The following CCDC85A variants were observed in gnomAD, a reference collection of about 807,000 sequenced individuals.
The protein encoded by CCDC85A is coiled-coil domain-containing protein 85A.
CCDC85A carries 38 observed loss-of-function variants against 50.2 expected under a neutral mutation model. The ratio of observed to expected loss-of-function variants is 0.76; its 90% CI spans 0.58 to 0.99. The LOEUF is 0.99. CCDC85A is among the 50% of genes least tolerant of loss of function. The pLI is 0.00. For synonymous variants in CCDC85A, 366 were observed against 301.4 expected (o/e 1.21, Z -2.22); for missense variants, 820 against 742.0 (o/e 1.11, Z -1.22).
In CCDC85A at chr2:56,192,533, C is replaced by G; in HGVS notation, c.333C>G (p.Phe111Leu). ...AGGAACTGAGGGACCTCTGCTGTTT[C>G]CTGGATGATGACCGGCAGAAAGGCA... is the stretch of plus-strand genomic sequence containing the variant. The part of the protein sequence containing the change: ...DNQELRDLCC[F>L]LDDDRQKGKR... The change falls in exon 2 of 6, where the codon TTC becomes TTG. Residue 111 changes from phenylalanine (F) to leucine (L), a missense_variant. Coordinates refer to ENST00000407595, the MANE Select transcript of CCDC85A (RefSeq NM_001080433.2). The surrounding 1 kb of genome is among the most constrained non-coding windows in gnomAD (Gnocchi z 4.7). 2 of 1,613,894 alleles carry G rather than the reference C, an allele frequency of 1.2e-6. No individual in the cohort carries two copies. The highest frequency in any genetic ancestry group is 1.7e-6 in the Non-Finnish European group (2 of 1,179,886).
chr2:56,310,393 A>G (rs1028585920), intron 2 of CCDC85A, among the ~76,000 whole-genome samples: 2 of 152,236 alleles, frequency 1.3e-5, no homozygotes, highest in South Asian at 2.1e-4. Context: ...AGTCCTGTCA[A>G]TTGCAGCTAC....
chr2:56,245,416 C>T (rs550989578), intron 2 of CCDC85A, among the ~76,000 whole-genome samples: 134 of 152,356 alleles, frequency 8.8e-4, no homozygotes, highest in African/African-American at 3.2e-3. Context: ...ATGGCCTCTG[C>T]CAGGGGATGG....
rs1239492084 is a variant in CCDC85A, at chr2:56,372,463, C to A, written c.1437C>A (p.Cys479Ter). ...WWQGCRGIGR[C>*]LPTLPGSFRL... ...AAGGGTGCCGAGGAATAGGACGATG[C>A]CTGCCTACTCTCCCGGTGAGTGAAG... The change falls in exon 4 of 6, where the codon TGC (cysteine) becomes TGA (stop). Residue 479 changes from cysteine (C) to a stop codon, truncating the protein, a stop_gained. Transcript: ENST00000407595. LOFTEE classifies it high-confidence loss of function. 6.2e-7 allele frequency: 1 copy of A among 1,606,494 alleles called. No individual in the cohort carries two copies. Among genetic ancestry groups the A allele is most frequent in the East Asian group, 2.2e-5 (1 of 44,446 alleles).
intron 2 of CCDC85A, among the ~76,000 whole-genome samples, chr2:56,297,018 A>G (rs1409255769): frequency 6.6e-6 from 1 of 152,170 alleles, no homozygotes; most frequent in Non-Finnish European, 1.5e-5. Flanking sequence ...TTTATTGTAT[A>G]TCGGGGTTAG....
intron 3 of CCDC85A, among the ~76,000 whole-genome samples, chr2:56,369,380 T>A (rs555965890): frequency 2.0e-4 from 30 of 152,264 alleles, no homozygotes; most frequent in African/African-American, 6.7e-4. Flanking sequence ...CAGATGTAGT[T>A]GTTCAAAACT....
chr2:56,291,253 A>G (rs1006423887), intron 2 of CCDC85A, among the ~76,000 whole-genome samples: 6 of 152,186 alleles, frequency 3.9e-5, no homozygotes, highest in African/African-American at 1.2e-4. Context: ...ATCTAACCAT[A>G]TTGTGGGTTC....
chr2:56,241,771 A>G (rs1397427274), intron 2 of CCDC85A, among the ~76,000 whole-genome samples: 1 of 152,208 alleles, frequency 6.6e-6, no homozygotes, highest in East Asian at 1.9e-4. Flanking sequence ...GCTAGTGTGA[A>G]TAGTACTGCA....
At chr2:56,228,158 C>A (rs1668619318) in intron 2 of CCDC85A, among the ~76,000 whole-genome samples, 1 of 152,172 alleles carries the variant, frequency 6.6e-6, no homozygotes, top group African/African-American at 2.4e-5. Flanking sequence ...ATTTTCTGGC[C>A]ATGTCACCTA....
intron 2 of CCDC85A, among the ~76,000 whole-genome samples, chr2:56,275,679 T>C (rs1042998888): frequency 2.0e-5 from 3 of 152,238 alleles, no homozygotes; most frequent in Non-Finnish European, 4.4e-5. Context: ...AATCCGGCTT[T>C]AGAGTGCTGA....
chr2:56,217,704 A>G (rs1668138549), intron 2 of CCDC85A, among the ~76,000 whole-genome samples: 1 of 151,898 alleles, frequency 6.6e-6, no homozygotes. Context: ...ATGCAATAAA[A>G]GCAAAGTGCC....
intron 2 of CCDC85A, among the ~76,000 whole-genome samples, chr2:56,322,410 T>C (rs1343672372): frequency 6.6e-6 from 1 of 152,166 alleles, no homozygotes; most frequent in Admixed American, 6.6e-5. Flanking sequence ...AAAGGGCTAG[T>C]ATCCAGAATC....
intron 2 of CCDC85A, among the ~76,000 whole-genome samples, chr2:56,298,050 CAGGCATCAGAACCATCTTGCAT>C (rs755155609): frequency 5.9e-5 from 9 of 152,174 alleles, no homozygotes; most frequent in Non-Finnish European, 8.8e-5. Flanking sequence ...GGTCATGCCC[CAGGCATCAGAACCATCTTGCAT>C]AGCCAGTGAA....
At chr2:56,350,865 A>G (rs1674892358) in intron 3 of CCDC85A, among the ~76,000 whole-genome samples, 1 of 140,926 alleles carries the variant, frequency 7.1e-6, no homozygotes, top group Admixed American at 7.3e-5. Context: ...TTTTATTATT[A>G]TTATACTTTA....
chr2:56,192,628 T>C lies in CCDC85A; in HGVS notation c.428T>C (p.Leu143Ser), dbSNP rs765729363. The change falls in exon 2 of 6, where the codon TTA becomes TCA. Residue 143 changes from leucine to serine, a missense_variant. Leu to Ser is a moderately radical substitution (Grantham distance 145, BLOSUM62 -2). Transcript: ENST00000407595. This position sits in a 1 kb window ranked among gnomAD's most constrained non-coding sequence, Gnocchi z 4.7. ...TAGVMHKEVA[L>S]YLQKLKDLEV... ...GGGGTGATGCACAAGGAAGTGGCCT[T>C]ATACCTGCAGAAGCTGAAAGACCTG... is the stretch of plus-strand genomic sequence containing the variant. 1 of 1,613,690 alleles carries C rather than the reference T, an allele frequency of 6.2e-7. No homozygotes were observed. The highest frequency in any genetic ancestry group is 1.3e-5 in the African/African-American group (1 of 74,852).
At chr2:56,311,635 C>A (rs1389718462) in intron 2 of CCDC85A, among the ~76,000 whole-genome samples, 1 of 152,042 alleles carries the variant, frequency 6.6e-6, no homozygotes, top group East Asian at 1.9e-4. Flanking sequence ...GAGAAAGTAA[C>A]TAACATTTGG....
chr2:56,325,300 T>G (rs182802957), intron 2 of CCDC85A, among the ~76,000 whole-genome samples: 2 of 152,190 alleles, frequency 1.3e-5, no homozygotes, highest in East Asian at 3.9e-4. Context: ...TTGAAGATAA[T>G]AGTTACTTTA....
chr2:56,372,925 C>G (rs929861227), intron 4 of CCDC85A, among the ~76,000 whole-genome samples: 9 of 152,140 alleles, frequency 5.9e-5, no homozygotes, highest in African/African-American at 1.9e-4. Context: ...TAAGATTTTT[C>G]TCTTTTTAAA....
At position 56,380,144 on chromosome 2, in the gene CCDC85A, T is replaced by C. The variant is rs368939693; in HGVS notation, c.1573-4122T>C. Among the ~76,000 whole-genome samples, 9 of 152,274 alleles carry C rather than the reference T, an allele frequency of 5.9e-5. No individual in the cohort carries two copies. In the East Asian group the frequency reaches 1.5e-3, roughly 26 times the overall value. On this transcript the variant is annotated intron_variant, in intron 5 of 5. Coordinates refer to ENST00000407595, the MANE Select transcript of CCDC85A (RefSeq NM_001080433.2). ...AAATATGTTTCTAATTTCGATAAAA[T>C]AAATGGGTTTCTATTTTATACTTCT...
chr2:56,296,842 T>C (rs1671971618), intron 2 of CCDC85A, among the ~76,000 whole-genome samples: 1 of 152,186 alleles, frequency 6.6e-6, no homozygotes, highest in Non-Finnish European at 1.5e-5. Context: ...TTATTTAAAA[T>C]AGGCCAGAAA....
Sources: allele counts gnomAD v4.1 joint callset (sites outside exome capture counted in the v4.1 genomes callset), GRCh38; gene constraint gnomAD v4.1.1; non-coding constraint Gnocchi (gnomAD v3.1); transcripts MANE v1.5; gene names NCBI Gene and HGNC (gene_info 2026-07-23, HGNC 2026-07-21).